Variants in RBM47 observed in about 807,000 individuals in gnomAD.
RBM47 encodes the protein RNA binding motif protein 47.
A neutral mutation model predicts 47.1 loss-of-function variants in RBM47; 21 were observed. The observed-to-expected ratio is 0.45, with a 90% CI of 0.32 to 0.64. The LOEUF (loss-of-function observed/expected upper bound fraction) is 0.64, where lower values mean the gene tolerates loss of function less well. Among genes scored for constraint, RBM47 ranks in the 30% least tolerant of loss-of-function variants. The pLI, the probability that RBM47 is intolerant of heterozygous loss-of-function variation, is 0.05. For missense variants in RBM47, 708 were observed against 870.9 expected, an observed-to-expected ratio of 0.81 and a Z score of 2.35; for synonymous variants, 375 against 361.7, an observed-to-expected ratio of 1.04 and a Z score of -0.42.
rs893230895 is a variant in RBM47 at position 40,554,980 on chromosome 4, G to A, written c.-239-10474C>T. Reference sequence around the variant, plus strand: ...GACGTAGTTTCCCTCTTGTTGCCCAGGCTGCAGTGCAATGGCGCGATCTCG... The same window carrying A: ...GACGTAGTTTCCCTCTTGTTGCCCAAGCTGCAGTGCAATGGCGCGATCTCG... On this transcript the variant is annotated intron_variant, in intron 1 of 6. Coordinates refer to ENST00000295971, the MANE Select transcript of RBM47 (RefSeq NM_001098634.2). 1.3e-5 allele frequency among the ~76,000 whole-genome samples: 2 copies of A among 152,198 alleles called. 1 individual carries two copies. Among genetic ancestry groups the A allele is most frequent in the Middle Eastern group, 6.8e-3 (2 of 294 alleles).
intron 1 of RBM47, among the ~76,000 whole-genome samples, chr4:40,582,758 C>T (rs1360009571): frequency 6.6e-6 from 1 of 152,166 alleles, no homozygotes; most frequent in Non-Finnish European, 1.5e-5. Flanking sequence ...GTTTCTTCTT[C>T]AACCTTATAC....
chr4:40,493,226 G>A (rs1394218389), intron 2 of RBM47, among the ~76,000 whole-genome samples: 1 of 152,160 alleles, frequency 6.6e-6, no homozygotes, highest in African/African-American at 2.4e-5. Flanking sequence ...CATGTAGACT[G>A]TCATTGAAAA....
At chr4:40,431,161 G>A (rs1230567363) in intron 6 of RBM47, among the ~76,000 whole-genome samples, 2 of 152,300 alleles carry the variant, frequency 1.3e-5, no homozygotes, top group Admixed American at 1.3e-4. Flanking sequence ...CTTGTGATCG[G>A]TATTCATGAT....
intron 2 of RBM47, among the ~76,000 whole-genome samples, chr4:40,483,899 A>G (rs1159898736): frequency 1.3e-5 from 2 of 152,212 alleles, no homozygotes; most frequent in Non-Finnish European, 2.9e-5. Context: ...TTACTTAGCA[A>G]TGATGTTATT....
chr4:40,450,874 G>T (rs1715315523), intron 3 of RBM47, among the ~76,000 whole-genome samples: 1 of 152,142 alleles, frequency 6.6e-6, no homozygotes, highest in African/African-American at 2.4e-5. Flanking sequence ...AAATCTGGGG[G>T]CAGGGGGTGC....
intron 1 of RBM47, among the ~76,000 whole-genome samples, chr4:40,583,551 A>G (rs886087001): frequency 2.0e-5 from 3 of 151,822 alleles, no homozygotes; most frequent in African/African-American, 4.8e-5. Flanking sequence ...ATATTAATTA[A>G]CTAATTAATT....
intron 2 of RBM47, among the ~76,000 whole-genome samples, chr4:40,527,436 ATTTTTT>A (rs60524903): frequency 0.014 from 1,423 of 104,776 alleles, 18 homozygotes; most frequent in African/African-American, 0.052. Flanking sequence ...ACACCTGGCA[ATTTTTT>A]TTTTTTTTTT....
At chr4:40,581,430 G>A (rs1732914126) in intron 1 of RBM47, among the ~76,000 whole-genome samples, 1 of 54,708 alleles carries the variant, frequency 1.8e-5, no homozygotes, top group Non-Finnish European at 4.0e-5. Context: ...CAAAAAAAAA[G>A]TAATAATAAA....
chr4:40,547,466 A>G (rs1332300753), intron 1 of RBM47, among the ~76,000 whole-genome samples: 1 of 152,236 alleles, frequency 6.6e-6, no homozygotes, highest in African/African-American at 2.4e-5. Flanking sequence ...CTCCAGGTAA[A>G]CAAACCCTGC....
intron 1 of RBM47, among the ~76,000 whole-genome samples, chr4:40,587,655 T>G (rs1404940048): frequency 6.6e-6 from 1 of 152,188 alleles, no homozygotes; most frequent in Non-Finnish European, 1.5e-5. Flanking sequence ...GGAAAGACCT[T>G]CCAGCACTTT....
At chr4:40,485,647 A>C (rs1720967378) in intron 2 of RBM47, among the ~76,000 whole-genome samples, 1 of 152,216 alleles carries the variant, frequency 6.6e-6, no homozygotes, top group Non-Finnish European at 1.5e-5. Context: ...ATTAAGTGAG[A>C]ATTACTTTGA....
chr4:40,445,824 T>C (rs868619136), intron 3 of RBM47, among the ~76,000 whole-genome samples: 3 of 152,220 alleles, frequency 2.0e-5, no homozygotes, highest in Admixed American at 6.5e-5. Context: ...AATGTTGAGA[T>C]TCTTGCTTGG....
At chr4:40,582,932 T>G (rs1304605946) in intron 1 of RBM47, among the ~76,000 whole-genome samples, 9 of 152,180 alleles carry the variant, frequency 5.9e-5, no homozygotes, top group Non-Finnish European at 1.3e-4. Context: ...TTGCCCTTAT[T>G]TATAAACTCT....
chr4:40,547,816 C>A lies in RBM47; in HGVS notation c.-239-3310G>T, dbSNP rs559865408. ...TGATGATGCCCTTCAGGTTGCAATT[C>A]CTGAGCTAAACCATTACAGTATGAT... On this transcript the variant is annotated intron_variant, in intron 1 of 6. Transcript: ENST00000295971. 3.3e-5 allele frequency among the ~76,000 whole-genome samples: 5 copies of A among 152,322 alleles called. No homozygotes were observed. In the East Asian group the frequency reaches 9.6e-4, roughly 29 times the overall value.
intron 1 of RBM47, among the ~76,000 whole-genome samples, chr4:40,625,478 C>T (rs1222474710): frequency 6.6e-6 from 1 of 152,140 alleles, no homozygotes; most frequent in African/African-American, 2.4e-5. Flanking sequence ...TTCAGCTGCA[C>T]AATGCCCTGC....
intron 1 of RBM47, among the ~76,000 whole-genome samples, chr4:40,616,105 C>A (rs866752451): frequency 6.6e-6 from 1 of 152,176 alleles, no homozygotes. Flanking sequence ...GTAATCCCAG[C>A]ACTTTGGGAG....
chr4:40,483,754 A>T (rs1353919781), intron 2 of RBM47, among the ~76,000 whole-genome samples: 2 of 152,208 alleles, frequency 1.3e-5, no homozygotes, highest in Non-Finnish European at 2.9e-5. Context: ...TTTTTTAATC[A>T]ACCAATAAAA....
Position 40,424,982 on chromosome 4 carries a change from A to T in RBM47, c.*922T>A, listed in dbSNP as rs2154207258. On this transcript the variant is annotated 3_prime_UTR_variant, in exon 7 of 7. Coordinates refer to ENST00000295971, the MANE Select transcript of RBM47 (RefSeq NM_001098634.2). Reference sequence around the variant, plus strand: ...AAGACAATACTTCCCCAACCAAACAAAAAAAAAAACAAAAAACAACGAAAC... The same window carrying T: ...AAGACAATACTTCCCCAACCAAACATAAAAAAAAACAAAAAACAACGAAAC... 4.5e-5 allele frequency: 1 copy of T among 22,232 alleles called. No homozygotes were observed. Among genetic ancestry groups the T allele is most frequent in the South Asian group, 1.8e-3 (1 of 558 alleles). The allele number at this position is 22,232 out of a possible 1,614,324, so 1.4% of individuals were successfully genotyped here.
At chr4:40,592,257 C>CTTT (rs55974728) in intron 1 of RBM47, among the ~76,000 whole-genome samples, 2 of 139,346 alleles carry the variant, frequency 1.4e-5, no homozygotes, top group African/African-American at 2.6e-5. Context: ...TTTTCTTTTA[C>CTTT]TTTTTTTTTT....
Sources: gnomAD v4.1 joint callset for allele counts (sites outside exome capture counted in the v4.1 genomes callset) on GRCh38, gnomAD v4.1.1 for gene constraint, MANE v1.5 for transcripts, NCBI Gene and HGNC (gene_info 2026-07-23, HGNC 2026-07-21) for gene names.